ADAM9: variants seen among roughly 807,000 people sequenced by gnomAD.
ADAM9 encodes disintegrin and metalloproteinase domain-containing protein 9.
Under a neutral mutation model 108.1 loss-of-function variants are expected in ADAM9, and 54 were observed. The ratio of observed to expected loss-of-function variants is 0.50; its 90% CI spans 0.40 to 0.63. The LOEUF (loss-of-function observed/expected upper bound fraction) is 0.63, where lower values mean the gene tolerates loss of function less well. ADAM9 is among the 20% of genes least tolerant of loss of function. The probability of loss-of-function intolerance (pLI) is 0.00; values close to 1 mark genes in which losing one functional copy is unlikely to be tolerated. For synonymous variants in ADAM9, 316 were observed against 336.0 expected (o/e 0.94, Z 0.65); for missense variants, 830 against 997.7 (o/e 0.83, Z 2.26).
chr8:39,098,923 A>G (rs1839594574), intron 20 of ADAM9, among the ~76,000 whole-genome samples: 1 of 152,126 alleles, frequency 6.6e-6, no homozygotes, highest in South Asian at 2.1e-4. Flanking sequence ...GGGCATGGTC[A>G]ATCTTTGATG....
chr8:39,045,419 TACACACACCTATATGTGCGCGTGTGTAC>T (rs1564301711), intron 12 of ADAM9, among the ~76,000 whole-genome samples: 111 of 79,096 alleles, frequency 1.4e-3, no homozygotes, highest in Admixed American at 5.0e-3. Flanking sequence ...TGCGCGTGTG[TACACACACCTATATGTGCGCGTGTGTAC>T]ACACACCTAT....
intron 16 of ADAM9, 46 bp from the exon 17 acceptor site, chr8:39,082,595 A>T (rs1452698212): frequency 1.3e-6 from 2 of 1,493,388 alleles, no homozygotes; most frequent in Admixed American, 1.7e-5. Context: ...CTTTTTAATG[A>T]CTGTGCTCAA....
intron 14 of ADAM9, among the ~76,000 whole-genome samples, chr8:39,068,441 G>A (rs761228600): frequency 2.0e-5 from 3 of 151,846 alleles, no homozygotes; most frequent in Non-Finnish European, 4.4e-5. Context: ...TTGGGAGGCC[G>A]AGGCATGTGG....
intron 14 of ADAM9, among the ~76,000 whole-genome samples, chr8:39,069,247 TAAAA>T (rs552305990): frequency 6.9e-6 from 1 of 144,948 alleles, no homozygotes; most frequent in Non-Finnish European, 1.5e-5. Flanking sequence ...GTTTATGAAT[TAAAA>T]AAAAAAAACT....
intron 1 of ADAM9, among the ~76,000 whole-genome samples, chr8:39,003,164 G>C (rs1836056640): frequency 6.6e-6 from 1 of 152,172 alleles, no homozygotes; most frequent in Non-Finnish European, 1.5e-5. Context: ...TGTTTAAAAT[G>C]CAAAAGAGGG....
intron 14 of ADAM9, among the ~76,000 whole-genome samples, chr8:39,066,855 G>A (rs1398483054): frequency 6.6e-6 from 1 of 152,070 alleles, no homozygotes; most frequent in Non-Finnish European, 1.5e-5. Flanking sequence ...GTATTGCCTA[G>A]GTTTTCTTCT....
In ADAM9 at chr8:39,076,538, A is replaced by G. The variant is rs140042199; in HGVS notation, c.1698-690A>G. 5.1e-3 allele frequency among the ~76,000 whole-genome samples: 774 copies of G among 152,306 alleles called. 1 individual carries two copies. Among genetic ancestry groups the G allele is most frequent in the Non-Finnish European group, 7.8e-3 (534 of 68,028 alleles). ...GATATCATAGAGAAGATTCAGATAT[A>G]GAGTAGGTGCTTGGATCAGATGACA... On this transcript the variant is annotated intron_variant, in intron 15 of 21. Transcript: ENST00000487273.
chr8:39,101,816 T>G, intron 20 of ADAM9, 47 bp from the exon 21 acceptor site: 2 of 1,415,824 alleles, frequency 1.4e-6, no homozygotes, highest in Middle Eastern at 1.8e-4. Flanking sequence ...AGAAATCATA[T>G]TTATGAGCAC....
At chr8:39,017,476 T>C in intron 6 of ADAM9, 62 bp downstream of exon 6, 1 of 1,538,736 alleles carries the variant, frequency 6.5e-7, no homozygotes, top group Non-Finnish European at 8.9e-7. Context: ...CATGTATTTA[T>C]TCATGAAATC....
chr8:39,073,306 A>T (rs768932472), intron 15 of ADAM9, among the ~76,000 whole-genome samples: 14 of 152,156 alleles, frequency 9.2e-5, no homozygotes, highest in Non-Finnish European at 1.9e-4. Context: ...TTATCTTTTT[A>T]GGTATGTAAA....
intron 14 of ADAM9, among the ~76,000 whole-genome samples, chr8:39,065,429 CG>C (rs748197548): frequency 4.9e-4 from 74 of 151,382 alleles, no homozygotes; most frequent in Admixed American, 1.1e-3. Flanking sequence ...CTGAGGTGGG[CG>C]GATCACAAGG....
chr8:39,004,221 A>C (rs959205996), intron 1 of ADAM9, among the ~76,000 whole-genome samples: 2 of 144,880 alleles, frequency 1.4e-5, no homozygotes, highest in African/African-American at 2.5e-5. Context: ...TGTATTCTTT[A>C]TTTTTTTTTT....
chr8:39,063,393 C>T (rs1838355835), intron 14 of ADAM9, among the ~76,000 whole-genome samples: 2 of 152,184 alleles, frequency 1.3e-5, no homozygotes, highest in African/African-American at 4.8e-5. Flanking sequence ...GGTTAGTCCC[C>T]TCAGATGTTG....
At chr8:39,080,025 C>T (rs1052868283) in intron 16 of ADAM9, among the ~76,000 whole-genome samples, 1 of 152,100 alleles carries the variant, frequency 6.6e-6, no homozygotes. Flanking sequence ...TCCTATTTCT[C>T]TGATCTTATT....
Position 39,104,323 on chromosome 8 carries a change from T to TACA in ADAM9, c.*624_*625insCAA, listed in dbSNP as rs764494622. 1.3e-5 allele frequency: 6 copies of TACA among 452,334 alleles called. No individual in the cohort carries two copies. Among genetic ancestry groups the TACA allele is most frequent in the South Asian group, 9.3e-5 (6 of 64,226 alleles). The allele number at this position is 452,334 out of a possible 1,614,324, so 28.0% of individuals were successfully genotyped here. A position where few individuals can be genotyped will look rare whatever the true frequency, so the allele number is the denominator to read the frequency against. The stretch of plus-strand genomic sequence containing the variant: ...AAAATATACTAAAAGAGTGTGTGTG[T>TACA]ATTCACGCAGTTACTCGCTTCCATT... On this transcript the variant is annotated 3_prime_UTR_variant, in exon 22 of 22. Coordinates refer to ENST00000487273, the MANE Select transcript of ADAM9 (RefSeq NM_003816.3).
intron 7 of ADAM9, among the ~76,000 whole-genome samples, chr8:39,019,752 T>C (rs1267006282): frequency 3.3e-5 from 5 of 152,194 alleles, no homozygotes; most frequent in Non-Finnish European, 5.9e-5. Context: ...TGAGGTTTTT[T>C]TTGGTTTTAA....
chr8:39,001,671 G>GC (rs1835995104), intron 1 of ADAM9, among the ~76,000 whole-genome samples: 5 of 144,626 alleles, frequency 3.5e-5, no homozygotes, highest in Admixed American at 6.9e-5. Context: ...TTTGAAGGTA[G>GC]TTTTTTTTTT....
At chr8:39,045,950 A>G (rs1336079248) in intron 12 of ADAM9, among the ~76,000 whole-genome samples, 1 of 151,372 alleles carries the variant, frequency 6.6e-6, no homozygotes, top group African/African-American at 2.4e-5. Context: ...TGGTTTTAAT[A>G]TGCATTCTCT....
chr8:39,004,104 T>C (rs1009347222), intron 1 of ADAM9, among the ~76,000 whole-genome samples: 1 of 152,228 alleles, frequency 6.6e-6, no homozygotes, highest in Non-Finnish European at 1.5e-5. Context: ...TTTGGAGGCA[T>C]TTCTTTTTCT....
Sources: allele counts gnomAD v4.1 joint callset (sites outside exome capture counted in the v4.1 genomes callset), GRCh38; gene constraint gnomAD v4.1.1; transcripts MANE v1.5; gene names NCBI Gene and HGNC (gene_info 2026-07-23, HGNC 2026-07-21).